The following ZNF808 variants were observed in gnomAD, a reference collection of about 807,000 sequenced individuals.
ZNF808 encodes the protein zinc finger protein 808.
A neutral mutation model predicts 8.7 loss-of-function variants in ZNF808; 5 were observed. That is an observed-to-expected ratio of 0.58 (90% confidence interval 0.30 to 1.21). The LOEUF is 1.21. ZNF808 is among the 50% of genes most tolerant of loss of function. The probability of loss-of-function intolerance (pLI) is 0.07; values close to 1 mark genes in which losing one functional copy is unlikely to be tolerated. For synonymous variants in ZNF808, 380 were observed against 366.0 expected, an observed-to-expected ratio of 1.04 and a Z score of -0.44; for missense variants, 1,103 against 1,098.4, an observed-to-expected ratio of 1.00 and a Z score of -0.06.
At chr19:52,557,260 T>C (rs916048961), downstream of ZNF808, among the ~76,000 whole-genome samples, 2 of 150,450 alleles carry the variant, frequency 1.3e-5, no homozygotes, top group African/African-American at 2.4e-5. Context: ...TGAGCCACCG[T>C]GCCCCGCCTC....
intron 2 of ZNF808, among the ~76,000 whole-genome samples, chr19:52,539,548 G>GTTTTTTTTTTTTTTTTTTT: frequency 1.9e-5 from 1 of 51,966 alleles, no homozygotes; most frequent in Non-Finnish European, 3.2e-5. Flanking sequence ...TGTTGTGGTG[G>GTTTTTTTTTTTTTTTTTTT]TTTTTTTTTT....
chr19:52,537,404 G>T (rs1353313871), intron 2 of ZNF808, among the ~76,000 whole-genome samples: 10 of 152,038 alleles, frequency 6.6e-5, no homozygotes, highest in African/African-American at 2.4e-4. Context: ...GAAGAAAGAG[G>T]GGCCAGGTGC....
downstream of ZNF808, among the ~76,000 whole-genome samples, chr19:52,564,834 C>T (rs984973036): frequency 3.9e-5 from 6 of 152,074 alleles, no homozygotes; most frequent in Admixed American, 3.9e-4. Flanking sequence ...CACCTGTAAT[C>T]CCAGCACTTT....
At chr19:52,545,277 CT>C (rs1297329022) in intron 3 of ZNF808, among the ~76,000 whole-genome samples, 1 of 152,172 alleles carries the variant, frequency 6.6e-6, no homozygotes, top group Non-Finnish European at 1.5e-5. Context: ...TACAGTGATT[CT>C]GTTGCCTCAG....
chr19:52,551,907 G>A (rs2059780706), intron 4 of ZNF808, among the ~76,000 whole-genome samples: 2 of 152,102 alleles, frequency 1.3e-5, no homozygotes, highest in Non-Finnish European at 1.5e-5. Context: ...GGAGGTTGAG[G>A]AAGGAGAATC....
rs56956089 is a variant in ZNF808, at chr19:52,534,518, C to T, written c.-20+1509C>T. On this transcript the variant is annotated intron_variant, in intron 2 of 4. Coordinates refer to ENST00000359798, the MANE Select transcript of ZNF808 (RefSeq NM_001039886.4). ...TTTTTCTTTCTTTCTCTATTATCGTCGTGGAGATGATTTCTCATTTGGGGG... is the reference window on the plus strand; with the variant it reads ...TTTTTCTTTCTTTCTCTATTATCGTTGTGGAGATGATTTCTCATTTGGGGG... Among the ~76,000 whole-genome samples the T allele has an allele frequency of 5.2e-3, 786 of 152,216 alleles. 5 individuals carry two copies. The highest frequency in any genetic ancestry group is 0.018 in the African/African-American group (731 of 41,510).
intron 4 of ZNF808, among the ~76,000 whole-genome samples, chr19:52,548,747 G>A (rs1056583410): frequency 3.9e-5 from 6 of 152,082 alleles, no homozygotes; most frequent in Admixed American, 3.9e-4. Context: ...TTTTAAGGCT[G>A]AATAATATTC....
chr19:52,536,822 A>G lies in ZNF808; in HGVS notation c.-20+3813A>G, dbSNP rs971671392. On this transcript the variant is annotated intron_variant, in intron 2 of 4. Coordinates refer to ENST00000359798, the MANE Select transcript of ZNF808 (RefSeq NM_001039886.4). ...GAATTTAACAGGGAGAGCAGAGGAGACGCAGAGATAAGAGGCGGTAATATG... is the reference window on the plus strand; with the variant it reads ...GAATTTAACAGGGAGAGCAGAGGAGGCGCAGAGATAAGAGGCGGTAATATG... Among the ~76,000 whole-genome samples the G allele has an allele frequency of 9.2e-5, 14 of 152,204 alleles. No individual in the cohort carries two copies. The East Asian group carries it at 9.7e-4, about 11-fold the overall frequency.
intron 4 of ZNF808, among the ~76,000 whole-genome samples, chr19:52,551,356 C>CA (rs58565837): frequency 0.031 from 3,887 of 125,164 alleles, 57 homozygotes; most frequent in Non-Finnish European, 0.034. Flanking sequence ...CATTTGCCAC[C>CA]AAAAAAAAAA....
At chr19:52,537,215 G>T (rs10411461) in intron 2 of ZNF808, among the ~76,000 whole-genome samples, 6,709 of 151,702 alleles carry the variant, frequency 0.044, 448 homozygotes, top group African/African-American at 0.15. Flanking sequence ...TAAGTTGTGA[G>T]GATGGAGCAG....
At chr19:52,540,001 G>A (rs754188428) in intron 2 of ZNF808, among the ~76,000 whole-genome samples, 1 of 151,862 alleles carries the variant, frequency 6.6e-6, no homozygotes, top group East Asian at 1.9e-4. Context: ...CACCCCACCA[G>A]GTCCGGCTAA....
exon 4 of ZNF808, chr19:52,564,092 CTT>C: frequency 1.5e-6 from 1 of 648,446 alleles, no homozygotes; most frequent in East Asian, 3.1e-5. Context: ...TCTCACAAGA[CTT>C]TCAGGATTAA....
At position 52,539,523 on chromosome 19, in the gene ZNF808, T is replaced by C. The variant is rs1599973044; in HGVS notation, c.-19-3743T>C. Reference sequence around the variant, plus strand: ...GTTTTTTATTTTTTAATTTTAGTTTTAATTTACTTATTTTTGTTGTGGTGG... The same window carrying C: ...GTTTTTTATTTTTTAATTTTAGTTTCAATTTACTTATTTTTGTTGTGGTGG... On this transcript the variant is annotated intron_variant, in intron 2 of 4. Coordinates refer to ENST00000359798, the MANE Select transcript of ZNF808 (RefSeq NM_001039886.4). 2.0e-5 allele frequency among the ~76,000 whole-genome samples: 3 copies of C among 150,126 alleles called. No homozygotes were observed. The East Asian group carries it at 5.9e-4, about 29-fold the overall frequency.
intron 2 of ZNF808, among the ~76,000 whole-genome samples, chr19:52,541,959 C>T: frequency 6.6e-6 from 1 of 152,168 alleles, no homozygotes; most frequent in East Asian, 1.9e-4. Context: ...CTGTGTACTT[C>T]TGGAAACTTA....
At chr19:52,530,131 G>C (rs1413727584) in intron 1 of ZNF808, among the ~76,000 whole-genome samples, 3 of 151,948 alleles carry the variant, frequency 2.0e-5, no homozygotes, top group African/African-American at 7.3e-5. Flanking sequence ...CATGATCTCA[G>C]CTCACCACAA....
downstream of ZNF808, among the ~76,000 whole-genome samples, chr19:52,560,611 A>C (rs1259826187): frequency 6.6e-6 from 1 of 152,104 alleles, no homozygotes. Flanking sequence ...AACTGCTTTC[A>C]CCTCAGGCCA....
downstream of ZNF808, chr19:52,556,825 C>A (rs2059839130): frequency 6.6e-6 from 1 of 151,944 alleles, no homozygotes; most frequent in African/African-American, 2.4e-5. Flanking sequence ...AGTTTCCTTT[C>A]CTTATGTCAT....
chr19:52,539,841 C>T (rs1264774648), intron 2 of ZNF808, among the ~76,000 whole-genome samples: 1 of 151,878 alleles, frequency 6.6e-6, no homozygotes, highest in Admixed American at 6.6e-5. Context: ...GTATGAGCCG[C>T]TGCGCCCGGC....
At chr19:52,552,689 T>A (rs1047418950) in intron 4 of ZNF808, among the ~76,000 whole-genome samples, 5 of 145,592 alleles carry the variant, frequency 3.4e-5, no homozygotes, top group Admixed American at 1.4e-4. Flanking sequence ...TTTACCAATA[T>A]AGTATGTTGT....
Sources: gnomAD v4.1 joint callset for allele counts (sites outside exome capture counted in the v4.1 genomes callset) on GRCh38, gnomAD v4.1.1 for gene constraint, MANE v1.5 for transcripts, NCBI Gene and HGNC (gene_info 2026-07-23, HGNC 2026-07-21) for gene names.